Variants in AKT3 observed in about 807,000 individuals in gnomAD.
AKT3 encodes the protein AKT serine/threonine kinase 3.
Under a neutral mutation model 65.3 loss-of-function variants are expected in AKT3, and 15 were observed. The observed-to-expected ratio is 0.23, with a 90% CI of 0.15 to 0.35. AKT3 has a LOEUF of 0.35. AKT3 is among the 10% of genes least tolerant of loss of function. The pLI, the probability that AKT3 is intolerant of heterozygous loss-of-function variation, is 1.00. For missense variants in AKT3, 243 were observed against 576.5 expected, an observed-to-expected ratio of 0.42 and a Z score of 5.92; for synonymous variants, 206 against 183.8, an observed-to-expected ratio of 1.12 and a Z score of -0.98.
chr1:243,545,517 T>C lies in AKT3; in HGVS notation c.1244A>G (p.Asp415Gly), dbSNP rs1672605308. 6.2e-7 allele frequency: 1 copy of C among 1,605,578 alleles called. No individual in the cohort carries two copies. Among genetic ancestry groups the C allele is most frequent in the African/African-American group, 1.3e-5 (1 of 74,734 alleles). Residue 415 changes from aspartate (D) to glycine (G), a missense_variant, in exon 12 of 14, where the codon GAT becomes GGT. Physicochemically the swap from Asp to Gly is moderately conservative, Grantham distance 94 (BLOSUM62 -1). Coordinates refer to ENST00000673466, the MANE Select transcript of AKT3 (RefSeq NM_005465.7). ...GCCATAAAGAAATCTTACCTTTTTATCATATACATCTTGCCAGTTTACTCC... is the reference window on the plus strand; with the variant it reads ...GCCATAAAGAAATCTTACCTTTTTACCATATACATCTTGCCAGTTTACTCC... Reference protein sequence around the residue: ...FSGVNWQDVYDKKLVPPFKPQ... With the variant: ...FSGVNWQDVYGKKLVPPFKPQ...
intron 6 of AKT3, among the ~76,000 whole-genome samples, chr1:243,626,724 A>G (rs1319171557): frequency 6.6e-6 from 1 of 152,244 alleles, no homozygotes; most frequent in Non-Finnish European, 1.5e-5. Flanking sequence ...AGAGGCAATA[A>G]CTAGAAAGAC....
At chr1:243,836,548 C>T (rs1254200260) in intron 2 of AKT3, among the ~76,000 whole-genome samples, 2 of 150,564 alleles carry the variant, frequency 1.3e-5, no homozygotes, top group Admixed American at 6.6e-5. Context: ...ATTTATAACA[C>T]TATACCCCCA....
intron 9 of AKT3, among the ~76,000 whole-genome samples, chr1:243,565,600 A>T (rs905590049): frequency 6.6e-6 from 1 of 152,174 alleles, no homozygotes; most frequent in Non-Finnish European, 1.5e-5. Context: ...GAACCTAGAA[A>T]CCAAACCCAA....
chr1:243,651,448 G>A (rs1681318183), intron 4 of AKT3, among the ~76,000 whole-genome samples: 6 of 152,180 alleles, frequency 3.9e-5, no homozygotes. Flanking sequence ...GGAGTGGTGA[G>A]AGGGGGCATC....
chr1:243,726,152 T>C (rs1018163420), intron 2 of AKT3, among the ~76,000 whole-genome samples: 2 of 152,298 alleles, frequency 1.3e-5, no homozygotes, highest in Non-Finnish European at 2.9e-5. Context: ...TTTTAACAGA[T>C]CTTAAGTTTG....
At chr1:243,740,159 AC>A (rs781547343) in intron 2 of AKT3, among the ~76,000 whole-genome samples, 2 of 152,324 alleles carry the variant, frequency 1.3e-5, no homozygotes, top group Middle Eastern at 3.4e-3. Context: ...AATGAGAGAA[AC>A]TACGCCAAAA....
At chr1:243,589,458 G>A (rs1383879133) in intron 8 of AKT3, among the ~76,000 whole-genome samples, 1 of 152,046 alleles carries the variant, frequency 6.6e-6, no homozygotes, top group Non-Finnish European at 1.5e-5. Context: ...AGTCAACAGA[G>A]AAATGCAAAT....
intron 11 of AKT3, among the ~76,000 whole-genome samples, chr1:243,550,713 A>G (rs1672990793): frequency 7.4e-6 from 1 of 134,298 alleles, no homozygotes. Context: ...TGGAAAGCCG[A>G]GGGGGGTGGA....
At chr1:243,491,839 T>C (rs1666493118) in intron 13 of AKT3, among the ~76,000 whole-genome samples, 1 of 152,234 alleles carries the variant, frequency 6.6e-6, no homozygotes, top group African/African-American at 2.4e-5. Context: ...GCTGTCCTCA[T>C]GTCCGGGTTA....
At chr1:243,777,428 A>G (rs1690625740) in intron 2 of AKT3, among the ~76,000 whole-genome samples, 1 of 152,220 alleles carries the variant, frequency 6.6e-6, no homozygotes, top group Non-Finnish European at 1.5e-5. Flanking sequence ...GGACCCCTGC[A>G]CTGTAAAACA....
At chr1:243,696,304 C>T (rs769853786) in intron 2 of AKT3, among the ~76,000 whole-genome samples, 46 of 151,928 alleles carry the variant, frequency 3.0e-4, no homozygotes, top group African/African-American at 8.4e-4. Flanking sequence ...GGGCTTTCAA[C>T]GATACGCAAA....
intron 2 of AKT3, among the ~76,000 whole-genome samples, chr1:243,795,617 G>A (rs1389681884): frequency 4.7e-4 from 70 of 148,848 alleles, no homozygotes; most frequent in Non-Finnish European, 7.2e-4. Flanking sequence ...GACTACAGGC[G>A]CCCGCCACTA....
intron 6 of AKT3, among the ~76,000 whole-genome samples, chr1:243,624,341 AG>A (rs1400573557): frequency 1.3e-5 from 2 of 152,248 alleles, no homozygotes; most frequent in African/African-American, 4.8e-5. Context: ...ATGAGAAACA[AG>A]CTAAATACAC....
At chr1:243,642,534 C>T (rs1051435728) in intron 5 of AKT3, among the ~76,000 whole-genome samples, 3 of 152,214 alleles carry the variant, frequency 2.0e-5, no homozygotes, top group South Asian at 2.1e-4. Context: ...TGGTCTCGAT[C>T]TCCTGACCTT....
intron 12 of AKT3, among the ~76,000 whole-genome samples, chr1:243,543,735 T>C (rs1672470622): frequency 6.6e-6 from 1 of 152,214 alleles, no homozygotes; most frequent in Non-Finnish European, 1.5e-5. Context: ...TGAATAAACA[T>C]TTAGGAATGC....
At position 243,619,941 on chromosome 1, in the gene AKT3, AG is replaced by A. The variant is rs1408804116; in HGVS notation, c.562-4781del. On this transcript the variant is annotated intron_variant, in intron 6 of 13. Transcript: ENST00000673466. ...TGATTTACATTCCCACCAACAGCATAGGAGAGTTCCCTTTAGCATCTGTGAT... is the reference window on the plus strand; with the variant it reads ...TGATTTACATTCCCACCAACAGCATAGAGAGTTCCCTTTAGCATCTGTGAT... 3.7e-4 allele frequency among the ~76,000 whole-genome samples: 37 copies of A among 98,718 alleles called. 6 individuals are homozygous for A. The highest frequency in any genetic ancestry group is 9.7e-4 in the African/African-American group (37 of 38,328). 64.8% of individuals were successfully genotyped at this position (98,718 alleles called of 152,430 possible).
intron 2 of AKT3, chr1:243,702,730 G>T (rs1170241094): frequency 6.6e-6 from 1 of 152,098 alleles, no homozygotes; most frequent in Non-Finnish European, 1.5e-5. Context: ...TGTATTTTAT[G>T]TAAGGAAATG....
At chr1:243,569,659 G>A (rs1184508941) in intron 9 of AKT3, among the ~76,000 whole-genome samples, 5 of 152,102 alleles carry the variant, frequency 3.3e-5, no homozygotes, top group Non-Finnish European at 7.4e-5. Flanking sequence ...TACTGTAAAT[G>A]GTTAACTATT....
At chr1:243,668,515 A>G (rs141232213) in intron 3 of AKT3, among the ~76,000 whole-genome samples, 101 of 152,316 alleles carry the variant, frequency 6.6e-4, no homozygotes, top group Non-Finnish European at 1.0e-3. Context: ...TTGAAGAAAA[A>G]AAGATATGAA....
Sources: allele counts gnomAD v4.1 joint callset (sites outside exome capture counted in the v4.1 genomes callset), GRCh38; gene constraint gnomAD v4.1.1; transcripts MANE v1.5; gene names NCBI Gene and HGNC (gene_info 2026-07-23, HGNC 2026-07-21).